ARHGAP6: variants seen among roughly 807,000 people sequenced by gnomAD.
ARHGAP6 encodes rho GTPase-activating protein 6.
Under a neutral mutation model 55.7 loss-of-function variants are expected in ARHGAP6, and 16 were observed. The ratio of observed to expected loss-of-function variants is 0.29; its 90% CI spans 0.19 to 0.44. The LOEUF (loss-of-function observed/expected upper bound fraction) is 0.44. Ranked by LOEUF, ARHGAP6 falls within the 20% of genes least tolerant of loss-of-function variation. ARHGAP6 has a pLI of 1.00. For missense variants in ARHGAP6, 698 were observed against 808.9 expected (o/e 0.86, Z 1.66); for synonymous variants, 382 against 360.9 (o/e 1.06, Z -0.66).
intron 1 of ARHGAP6, among the ~76,000 whole-genome samples, chrX:11,393,147 T>C (rs1181720627): frequency 8.9e-6 from 1 of 111,768 alleles, no homozygotes; most frequent in Non-Finnish European, 1.9e-5. Flanking sequence ...AAAAGGTGAA[T>C]AATAAGTGAT....
chrX:11,664,596 C>T lies in ARHGAP6; in HGVS notation c.233G>A (p.Arg78His), dbSNP rs1385126405. ...PSLPAESLGP[R>H]LASSSRGPPP... ...CGGACCCCGGGAAGAGGACGCCAAG[C>T]GAGGGCCGAGACTCTCGGCTGGGAG... The change falls in exon 1 of 13, where the codon CGC (arginine) becomes CAC (histidine). Residue 78 changes from arginine to histidine, a missense_variant. Transcript: ENST00000337414. 2.6e-6 allele frequency: 3 copies of T among 1,173,709 alleles called. No individual in the cohort carries two copies. Among genetic ancestry groups the T allele is most frequent in the East Asian group, 3.2e-5 (1 of 31,510 alleles).
chrX:11,182,773 C>T (rs1022582004), intron 5 of ARHGAP6, among the ~76,000 whole-genome samples: 1 of 107,880 alleles, frequency 9.3e-6, no homozygotes, highest in Non-Finnish European at 1.9e-5. Context: ...GTAGCTGGTA[C>T]TGCCAGCACA....
intron 1 of ARHGAP6, among the ~76,000 whole-genome samples, chrX:11,657,193 C>T (rs1197094041): frequency 3.6e-5 from 4 of 110,636 alleles, no homozygotes; most frequent in Non-Finnish European, 3.8e-5. Flanking sequence ...GGTTTTCAAT[C>T]AGGGGTTAAC....
chrX:11,573,831 T>G (rs896067048), intron 1 of ARHGAP6, among the ~76,000 whole-genome samples: 2 of 111,712 alleles, frequency 1.8e-5, no homozygotes, highest in Admixed American at 9.5e-5. Flanking sequence ...TGGAATGTTC[T>G]TCCATTTCTT....
chrX:11,623,138 C>G (rs977050880), intron 1 of ARHGAP6, among the ~76,000 whole-genome samples: 3 of 110,783 alleles, frequency 2.7e-5, no homozygotes, highest in Non-Finnish European at 5.7e-5. Flanking sequence ...TGTTTGCAGA[C>G]AATATAATCA....
At chrX:11,468,997 G>A (rs898985492) in intron 1 of ARHGAP6, among the ~76,000 whole-genome samples, 12 of 112,298 alleles carry the variant, frequency 1.1e-4, no homozygotes, top group African/African-American at 3.9e-4. Context: ...ATGATGATAT[G>A]AGTGAAGGCA....
At chrX:11,278,480 C>T (rs1324876567) in intron 1 of ARHGAP6, among the ~76,000 whole-genome samples, 1 of 111,803 alleles carries the variant, frequency 8.9e-6, no homozygotes, top group East Asian at 2.8e-4. Flanking sequence ...AGAAATGCAG[C>T]TCTGTCAACA....
chrX:11,474,428 G>A (rs2050382778), intron 1 of ARHGAP6, among the ~76,000 whole-genome samples: 1 of 112,224 alleles, frequency 8.9e-6, no homozygotes, highest in Non-Finnish European at 1.9e-5. Flanking sequence ...AGTGGACCAA[G>A]GCATTGTAAC....
intron 1 of ARHGAP6, among the ~76,000 whole-genome samples, chrX:11,454,100 C>T (rs1487959586): frequency 2.9e-5 from 3 of 102,829 alleles, no homozygotes; most frequent in Non-Finnish European, 5.9e-5. Context: ...CCTGCCACCA[C>T]GCACGGCTAA....
At chrX:11,487,005 T>C (rs1164139315) in intron 1 of ARHGAP6, among the ~76,000 whole-genome samples, 3 of 110,792 alleles carry the variant, frequency 2.7e-5, no homozygotes, top group Admixed American at 9.6e-5. Context: ...TGATCAATTA[T>C]GGTTATATGG....
chrX:11,298,400 A>C (rs1164895445), intron 1 of ARHGAP6: 2 of 1,120,801 alleles, frequency 1.8e-6, no homozygotes, highest in African/African-American at 3.6e-5. Context: ...GTTTGTAAAA[A>C]ATCATATCTG....
chrX:11,662,030 T>C (rs1279152552), intron 1 of ARHGAP6, among the ~76,000 whole-genome samples: 1 of 112,111 alleles, frequency 8.9e-6, no homozygotes, highest in Non-Finnish European at 1.9e-5. Flanking sequence ...TGAGAAACCC[T>C]GAGCCAGAGC....
chrX:11,629,850 T>C (rs1332162077), intron 1 of ARHGAP6, among the ~76,000 whole-genome samples: 1 of 111,304 alleles, frequency 9.0e-6, no homozygotes, highest in Non-Finnish European at 1.9e-5. Context: ...AAAATACAAT[T>C]CTTAAAGGCA....
chrX:11,566,307 T>A (rs1312864842), intron 1 of ARHGAP6, among the ~76,000 whole-genome samples: 1 of 112,081 alleles, frequency 8.9e-6, no homozygotes, highest in African/African-American at 3.2e-5. Context: ...AGAGAATGTT[T>A]ACTCTTTCCA....
intron 1 of ARHGAP6, chrX:11,334,803 C>A (rs746238808): frequency 3.2e-5 from 7 of 219,176 alleles, no homozygotes; most frequent in South Asian, 7.7e-5. Context: ...TATCAAAGAA[C>A]GCAGTTTCTT....
Position 11,631,091 on chromosome X carries a change from T to C in ARHGAP6, c.588+33150A>G, listed in dbSNP as rs758243356. ...GTCACTCATGTAAATGGAACAGAGA[T>C]AATAGTTCAGATAATTCAGGCCCCT... On this transcript the variant is annotated intron_variant, in intron 1 of 12. Coordinates refer to ENST00000337414, the MANE Select transcript of ARHGAP6 (RefSeq NM_013427.3). Among the ~76,000 whole-genome samples the C allele has an allele frequency of 1.8e-4, 20 of 111,006 alleles. No homozygotes were observed. In the South Asian group the frequency reaches 7.7e-3, roughly 43 times the overall value.
intron 1 of ARHGAP6, among the ~76,000 whole-genome samples, chrX:11,369,354 G>C (rs906770821): frequency 2.7e-5 from 3 of 111,046 alleles, no homozygotes; most frequent in Non-Finnish European, 1.9e-5. Flanking sequence ...TATTCAGCAG[G>C]TCTGGAATGG....
chrX:11,445,735 GGGCACTACTGGCA>G (rs1290469673), intron 1 of ARHGAP6, among the ~76,000 whole-genome samples: 13 of 111,396 alleles, frequency 1.2e-4, no homozygotes, highest in Admixed American at 2.9e-4. Context: ...GTCAGGGGTT[GGGCACTACTGGCA>G]TCTAGTGGGT....
At position 11,618,590 on chromosome X, in the gene ARHGAP6, A is replaced by G. The variant is rs192946655; in HGVS notation, c.588+45651T>C. Among the ~76,000 whole-genome samples, 422 of 112,313 alleles carry G rather than the reference A, an allele frequency of 3.8e-3. 1 individual carries two copies. The highest frequency in any genetic ancestry group is 0.012 in the African/African-American group (376 of 30,974). On this transcript the variant is annotated intron_variant, in intron 1 of 12. Coordinates refer to ENST00000337414, the MANE Select transcript of ARHGAP6 (RefSeq NM_013427.3). ...ATTGTAGATTGTACCGAGCTCATGCATGATTAATTAATCTGCACAATATGC... is the reference window on the plus strand; with the variant it reads ...ATTGTAGATTGTACCGAGCTCATGCGTGATTAATTAATCTGCACAATATGC...
Sources: gnomAD v4.1 joint callset for allele counts (sites outside exome capture counted in the v4.1 genomes callset) on GRCh38, gnomAD v4.1.1 for gene constraint, MANE v1.5 for transcripts, NCBI Gene and HGNC (gene_info 2026-07-23, HGNC 2026-07-21) for gene names.